The following SLC17A5 variants were observed in gnomAD, a reference collection of about 807,000 sequenced individuals.
The protein encoded by SLC17A5 is solute carrier family 17 member 5.
A neutral mutation model predicts 59.4 loss-of-function variants in SLC17A5; 47 were observed. That is an observed-to-expected ratio of 0.79 (90% CI 0.63 to 1.01). SLC17A5 has a LOEUF of 1.01. Among genes scored for constraint, SLC17A5 ranks in the 50% least tolerant of loss-of-function variants. The probability of loss-of-function intolerance (pLI) is 0.00; values close to 1 mark genes in which losing one functional copy is unlikely to be tolerated. For synonymous variants in SLC17A5, 202 were observed against 210.7 expected (o/e 0.96, Z 0.36); for missense variants, 522 against 595.5 (o/e 0.88, Z 1.28).
intron 1 of SLC17A5, among the ~76,000 whole-genome samples, chr6:73,647,480 TTC>T (rs1026835082): frequency 3.9e-5 from 6 of 152,210 alleles, no homozygotes; most frequent in African/African-American, 1.4e-4. Flanking sequence ...TTATTAGTAA[TTC>T]TCTTACTCTA....
intron 8 of SLC17A5, among the ~76,000 whole-genome samples, chr6:73,612,862 A>G (rs1767691530): frequency 6.6e-6 from 1 of 152,182 alleles, no homozygotes; most frequent in Non-Finnish European, 1.5e-5. Flanking sequence ...GACTAACCTG[A>G]GCAACATGGT....
intron 4 of SLC17A5, among the ~76,000 whole-genome samples, chr6:73,637,229 G>A (rs1253553327): frequency 6.6e-6 from 1 of 152,194 alleles, no homozygotes; most frequent in East Asian, 1.9e-4. Context: ...AGGAAAAGCA[G>A]ATAAAGCTGG....
chr6:73,606,833 A>G (rs770188393), intron 9 of SLC17A5, among the ~76,000 whole-genome samples: 12 of 152,248 alleles, frequency 7.9e-5, no homozygotes, highest in Non-Finnish European at 1.6e-4. Flanking sequence ...ATCTAATTGT[A>G]CATCCAATTC....
intron 7 of SLC17A5, among the ~76,000 whole-genome samples, chr6:73,620,220 G>T (rs566862648): frequency 6.6e-6 from 1 of 152,190 alleles, no homozygotes; most frequent in African/African-American, 2.4e-5. Context: ...ACTGGGCCCG[G>T]CTGGATTTGC....
At chr6:73,651,343 C>T (rs1421280597) in intron 1 of SLC17A5, among the ~76,000 whole-genome samples, 1 of 150,526 alleles carries the variant, frequency 6.6e-6, no homozygotes, top group African/African-American at 2.4e-5. Flanking sequence ...GGCCTGTAAT[C>T]CCAGCTACTC....
rs1022128326 is a variant in SLC17A5 at position 73,638,292 on chromosome 6, A to G, written c.613+120T>C. ...AATAAAGTTATACTACCGAAACTTAATGTTCTCCCCAAAGGGGCATCCAAT... is the reference window on the plus strand; with the variant it reads ...AATAAAGTTATACTACCGAAACTTAGTGTTCTCCCCAAAGGGGCATCCAAT... On this transcript the variant is annotated intron_variant, in intron 4 of 10. Coordinates refer to ENST00000355773, the MANE Select transcript of SLC17A5 (RefSeq NM_012434.5). The G allele has an allele frequency of 4.1e-6, 3 of 732,946 alleles. No individual in the cohort carries two copies. The African/African-American group carries it at 5.3e-5, about 13-fold the overall frequency. The allele number at this position is 732,946 out of a possible 1,614,324, so 45.4% of individuals were successfully genotyped here.
At position 73,644,537 on chromosome 6, in the gene SLC17A5, T is replaced by C. The variant is rs779941592; in HGVS notation, c.161A>G (p.Tyr54Cys). 7.4e-6 allele frequency: 12 copies of C among 1,614,120 alleles called. No individual in the cohort carries two copies. The highest frequency in any genetic ancestry group is 1.0e-5 in the Non-Finnish European group (12 of 1,179,990). Residue 54 changes from tyrosine (Y) to cysteine (C), a missense_variant, in exon 2 of 11, where the codon TAT becomes TGT. Coordinates refer to ENST00000355773, the MANE Select transcript of SLC17A5 (RefSeq NM_012434.5). ...AACACTCAGATTCACACGTAATGCA[T>C]ACACAATGAAGAAACCAAAAAAGGC... ...ILAFFGFFIV[Y>C]ALRVNLSVAL...
chr6:73,625,188 AATT>A (rs1768347686), intron 6 of SLC17A5, among the ~76,000 whole-genome samples: 1 of 152,068 alleles, frequency 6.6e-6, no homozygotes, highest in Non-Finnish European at 1.5e-5. Flanking sequence ...AATTTTAAAA[AATT>A]ATTATTTATT....
intron 9 of SLC17A5, among the ~76,000 whole-genome samples, chr6:73,606,049 A>ATTTT (rs1401981591): frequency 2.1e-5 from 3 of 144,620 alleles, no homozygotes; most frequent in Non-Finnish European, 3.0e-5. Context: ...TTATTTATTT[A>ATTTT]TTTAATTTTT....
chr6:73,652,243 C>T (rs779430683), intron 1 of SLC17A5, among the ~76,000 whole-genome samples: 3 of 152,230 alleles, frequency 2.0e-5, no homozygotes, highest in Non-Finnish European at 4.4e-5. Context: ...ACACTCAACA[C>T]ATGAATCAAG....
chr6:73,601,234 G>C (rs1234791243), intron 9 of SLC17A5, among the ~76,000 whole-genome samples: 1 of 127,030 alleles, frequency 7.9e-6, no homozygotes, highest in African/African-American at 3.1e-5. Flanking sequence ...GCCTGGCCCC[G>C]ACCCCGTCTG....
At chr6:73,646,886 G>C (rs1414312487) in intron 1 of SLC17A5, among the ~76,000 whole-genome samples, 1 of 152,090 alleles carries the variant, frequency 6.6e-6, no homozygotes, top group East Asian at 1.9e-4. Flanking sequence ...ATTTTGCCCA[G>C]GCTGGTCTTG....
At chr6:73,634,502 GA>G (rs1768909510) in intron 6 of SLC17A5, among the ~76,000 whole-genome samples, 1 of 152,108 alleles carries the variant, frequency 6.6e-6, no homozygotes, top group African/African-American at 2.4e-5. Context: ...TGGGTTCAAG[GA>G]ATTCTCCTGT....
At position 73,621,789 on chromosome 6, in the gene SLC17A5, A is replaced by ATTATTTT. The variant is rs760955421; in HGVS notation, c.978+8_978+14dup. The ATTATTTT allele has an allele frequency of 6.3e-7, 1 of 1,581,534 alleles. No homozygotes were observed. The highest frequency in any genetic ancestry group is 8.7e-7 in the Non-Finnish European group (1 of 1,151,516). ...ATACTATATATATAAGAAGCAGATGATTATTTTTTCTTACCTCTTGAACAT... is the reference window on the plus strand; with the variant it reads ...ATACTATATATATAAGAAGCAGATGATTATTTTTTATTTTTTCTTACCTCTTGAACAT... On this transcript the variant is annotated intron_variant, in intron 7 of 10. Coordinates refer to ENST00000355773, the MANE Select transcript of SLC17A5 (RefSeq NM_012434.5).
At chr6:73,606,499 T>C (rs1340166576) in intron 9 of SLC17A5, among the ~76,000 whole-genome samples, 1 of 152,230 alleles carries the variant, frequency 6.6e-6, no homozygotes, top group Non-Finnish European at 1.5e-5. Context: ...CTTCTTATGA[T>C]ATCTAGATAA....
chr6:73,610,656 CA>C, intron 8 of SLC17A5, 109 bp from the exon 9 acceptor site: 2 of 1,188,332 alleles, frequency 1.7e-6, no homozygotes, highest in Non-Finnish European at 2.4e-6. Flanking sequence ...ACTGTAGAAA[CA>C]CTATATTGCC....
intron 7 of SLC17A5, among the ~76,000 whole-genome samples, chr6:73,620,320 C>T (rs1768082163): frequency 6.7e-6 from 1 of 149,564 alleles, no homozygotes; most frequent in Admixed American, 6.7e-5. Flanking sequence ...CAATTAATCA[C>T]TGTAGTAGTA....
intron 2 of SLC17A5, among the ~76,000 whole-genome samples, chr6:73,643,455 C>T (rs12196074): frequency 0.22 from 33,187 of 151,018 alleles, 3,807 homozygotes; most frequent in Non-Finnish European, 0.25. Flanking sequence ...CCACCGCGCC[C>T]GGCCAAAAAT....
chr6:73,619,423 C>T (rs1315174412), intron 7 of SLC17A5, among the ~76,000 whole-genome samples: 1 of 152,120 alleles, frequency 6.6e-6, no homozygotes, highest in Non-Finnish European at 1.5e-5. Context: ...CAGGGTGGTT[C>T]ATGCCTGTAA....
Sources: gnomAD v4.1 joint callset for allele counts (sites outside exome capture counted in the v4.1 genomes callset) on GRCh38, gnomAD v4.1.1 for gene constraint, MANE v1.5 for transcripts, NCBI Gene and HGNC (gene_info 2026-07-23, HGNC 2026-07-21) for gene names.